CNTNAP2: variants seen among roughly 807,000 people sequenced by gnomAD.
The protein encoded by CNTNAP2 is contactin-associated protein-like 2.
A neutral mutation model predicts 155.2 loss-of-function variants in CNTNAP2; 98 were observed. The observed-to-expected ratio is 0.63, with a 90% confidence interval of 0.54 to 0.75. The LOEUF (loss-of-function observed/expected upper bound fraction) is 0.75, where lower values mean the gene tolerates loss of function less well. Among genes scored for constraint, CNTNAP2 ranks in the 30% least tolerant of loss-of-function variants. The pLI is 0.00. For synonymous variants in CNTNAP2, 651 were observed against 631.2 expected (o/e 1.03, Z -0.47); for missense variants, 1,727 against 1,688.1 (o/e 1.02, Z -0.40).
chr7:147,521,281 T>A (rs1203982900), intron 11 of CNTNAP2, among the ~76,000 whole-genome samples: 1 of 152,226 alleles, frequency 6.6e-6, no homozygotes, highest in Non-Finnish European at 1.5e-5. Context: ...AGTTCCACTA[T>A]AATTTTGTTG....
chr7:146,683,584 C>G (rs1585041237), intron 1 of CNTNAP2, among the ~76,000 whole-genome samples: 1 of 152,152 alleles, frequency 6.6e-6, no homozygotes, highest in South Asian at 2.1e-4. Flanking sequence ...TTCCTTTAAA[C>G]AGGCTGAAAC....
At chr7:147,791,866 G>A (rs80030087) in intron 13 of CNTNAP2, among the ~76,000 whole-genome samples, 2,217 of 152,248 alleles carry the variant, frequency 0.015, 66 homozygotes, top group African/African-American at 0.049. Flanking sequence ...AGGCTTCAGC[G>A]AAAGGACACG....
At chr7:147,816,311 A>G (rs1301841965) in intron 13 of CNTNAP2, among the ~76,000 whole-genome samples, 2 of 152,088 alleles carry the variant, frequency 1.3e-5, no homozygotes, top group Non-Finnish European at 2.9e-5. Context: ...AGGATGGGGG[A>G]TGGAGAAAGA....
intron 13 of CNTNAP2, among the ~76,000 whole-genome samples, chr7:147,899,275 G>GGCTGCAGTGAGTTATGATT (rs1182799085): frequency 1.3e-5 from 2 of 152,192 alleles, no homozygotes; most frequent in African/African-American, 2.4e-5. Context: ...AGGAGGTCAA[G>GGCTGCAGTGAGTTATGATT]GCTGCAGTGA....
chr7:146,750,120 T>A (rs952576599), intron 1 of CNTNAP2, among the ~76,000 whole-genome samples: 5 of 152,188 alleles, frequency 3.3e-5, no homozygotes, highest in Admixed American at 2.0e-4. Flanking sequence ...TGCCAACATC[T>A]GAACAATCAA....
intron 13 of CNTNAP2, among the ~76,000 whole-genome samples, chr7:147,825,975 G>A (rs1798441383): frequency 6.6e-6 from 1 of 152,160 alleles, no homozygotes; most frequent in Non-Finnish European, 1.5e-5. Flanking sequence ...GGTTTTTGTG[G>A]AGGGATAGTA....
intron 12 of CNTNAP2, among the ~76,000 whole-genome samples, chr7:147,618,208 A>G (rs1410518872): frequency 6.6e-6 from 1 of 152,224 alleles, no homozygotes; most frequent in Admixed American, 6.5e-5. Context: ...GTTACTACCT[A>G]CTGTGTTGCT....
Position 146,144,010 on chromosome 7 carries a change from C to T in CNTNAP2, c.97+27037C>T, listed in dbSNP as rs565040424. ...CTCCTGACTTCAGGTGATCCTCCCA[C>T]CTCGGCCTCCCGATATGCTAGGATT... On this transcript the variant is annotated intron_variant, in intron 1 of 23. Coordinates refer to ENST00000361727, the MANE Select transcript of CNTNAP2 (RefSeq NM_014141.6). Among the ~76,000 whole-genome samples the T allele has an allele frequency of 3.3e-5, 5 of 152,300 alleles. No individual in the cohort carries two copies. In the East Asian group the frequency reaches 7.7e-4, roughly 24 times the overall value.
chr7:146,694,229 G>A (rs1265740021), intron 1 of CNTNAP2, among the ~76,000 whole-genome samples: 1 of 152,088 alleles, frequency 6.6e-6, no homozygotes, highest in Non-Finnish European at 1.5e-5. Flanking sequence ...ATAGACAAAG[G>A]GCTAAATAGA....
At chr7:148,114,259 T>C (rs527609445) in intron 15 of CNTNAP2, among the ~76,000 whole-genome samples, 10 of 152,332 alleles carry the variant, frequency 6.6e-5, no homozygotes, top group African/African-American at 2.4e-4. Flanking sequence ...CAGTATCCAG[T>C]TATCAGTAGG....
At chr7:146,154,996 G>A (rs1798103794) in intron 1 of CNTNAP2, among the ~76,000 whole-genome samples, 1 of 152,178 alleles carries the variant, frequency 6.6e-6, no homozygotes, top group Admixed American at 6.5e-5. Context: ...AACAGGAACA[G>A]ATAATATTTA....
intron 6 of CNTNAP2, among the ~76,000 whole-genome samples, chr7:147,123,120 C>T (rs1801154995): frequency 6.6e-6 from 1 of 151,762 alleles, no homozygotes; most frequent in African/African-American, 2.4e-5. Flanking sequence ...TATCCCTCCC[C>T]CTAAAAAAAA....
chr7:147,381,105 G>A (rs1796527376), intron 9 of CNTNAP2, among the ~76,000 whole-genome samples: 1 of 152,074 alleles, frequency 6.6e-6, no homozygotes, highest in African/African-American at 2.4e-5. Context: ...AATGACACTG[G>A]CAGAGCTGAT....
At chr7:147,848,467 C>G (rs1473324741) in intron 13 of CNTNAP2, among the ~76,000 whole-genome samples, 11 of 150,628 alleles carry the variant, frequency 7.3e-5, no homozygotes, top group Admixed American at 7.3e-4. Context: ...GCACACGGTG[C>G]GCACACACAC....
intron 3 of CNTNAP2, among the ~76,000 whole-genome samples, chr7:146,990,439 T>C (rs1798189864): frequency 6.6e-6 from 1 of 152,156 alleles, no homozygotes; most frequent in Non-Finnish European, 1.5e-5. Flanking sequence ...TTTAAGTTCC[T>C]TTAACCTTCT....
intron 1 of CNTNAP2, among the ~76,000 whole-genome samples, chr7:146,142,374 A>G (rs7349980): frequency 0.93 from 141,269 of 152,258 alleles, 65,876 homozygotes; most frequent in East Asian, 0.97. Context: ...CCCTTCAGTG[A>G]GGCATCTTTG....
At chr7:147,148,321 C>T (rs1274011353) in intron 8 of CNTNAP2, among the ~76,000 whole-genome samples, 3 of 139,866 alleles carry the variant, frequency 2.1e-5, no homozygotes, top group East Asian at 2.1e-4. Context: ...ACCCGGGAGG[C>T]GGAGCTTGCA....
At chr7:147,483,469 A>G (rs1244179047) in intron 10 of CNTNAP2, among the ~76,000 whole-genome samples, 2 of 152,150 alleles carry the variant, frequency 1.3e-5, no homozygotes. Context: ...GTAAGAACAC[A>G]GTAATCTTTT....
chr7:146,488,287 C>T (rs1225976947), intron 1 of CNTNAP2, among the ~76,000 whole-genome samples: 1 of 116,202 alleles, frequency 8.6e-6, no homozygotes, highest in Non-Finnish European at 1.8e-5. Context: ...CTCCCTCCCT[C>T]CCTCCCTCCC....
Sources: gnomAD v4.1 joint callset for allele counts (sites outside exome capture counted in the v4.1 genomes callset) on GRCh38, gnomAD v4.1.1 for gene constraint, MANE v1.5 for transcripts, NCBI Gene and HGNC (gene_info 2026-07-23, HGNC 2026-07-21) for gene names.